Variants in RORC observed in about 807,000 individuals in gnomAD.
RORC encodes the protein nuclear receptor ROR-gamma.
In RORC, 13 loss-of-function variants were observed where a neutral mutation model predicts 64.5. The observed-to-expected ratio is 0.20, with a 90% CI of 0.13 to 0.32. RORC has a LOEUF of 0.32. Among genes scored for constraint, RORC ranks in the 10% least tolerant of loss-of-function variants. RORC has a pLI of 1.00. For missense variants in RORC, 468 were observed against 669.5 expected (o/e 0.70, Z 3.32); for synonymous variants, 277 against 259.3 (o/e 1.07, Z -0.65).
rs1651610615 is a variant in RORC, at chr1:151,813,276, T to A, written c.1137A>T (p.Glu379Asp). The change falls in exon 8 of 11, where the codon GAA (glutamate) becomes GAT (aspartate). Residue 379 changes from glutamate to aspartate, a missense_variant. Glu to Asp is a conservative substitution (Grantham distance 45). Coordinates refer to ENST00000318247, the MANE Select transcript of RORC (RefSeq NM_005060.4). Reference sequence around the variant, plus strand: ...ACAGCTCCATGCCACCGTATTTGCCTTCAAAAAAGACCGTGCGGTTGTCAG... The same window carrying A: ...ACAGCTCCATGCCACCGTATTTGCCATCAAAAAAGACCGTGCGGTTGTCAG... ...YNADNRTVFF[E>D]GKYGGMELFR... is the part of the protein sequence containing the mutation. The A allele has an allele frequency of 1.9e-6, 3 of 1,614,074 alleles. No individual in the cohort carries two copies. The East Asian group carries it at 6.7e-5, about 36-fold the overall frequency.
At chr1:151,823,800 C>T (rs549778368) in intron 2 of RORC, among the ~76,000 whole-genome samples, 48 of 152,236 alleles carry the variant, frequency 3.2e-4, no homozygotes, top group African/African-American at 1.1e-3. Context: ...GCCACCATGC[C>T]CAGCGAATTA....
intron 2 of RORC, among the ~76,000 whole-genome samples, chr1:151,823,335 G>A (rs1205418865): frequency 6.6e-6 from 1 of 152,206 alleles, no homozygotes; most frequent in Non-Finnish European, 1.5e-5. Flanking sequence ...GGGCCTGAGT[G>A]CCTATTGGCG....
Position 151,811,465 on chromosome 1 carries a change from CAAGA to C in RORC, c.1286-35_1286-32del, listed in dbSNP as rs756040895. ...GGAGGGGGTGGGACCGTAATGAGAA[CAAGA>C]AAGAACATGGACATTAACTCCCAAC... On this transcript the variant is annotated intron_variant, in intron 9 of 10. Coordinates refer to ENST00000318247, the MANE Select transcript of RORC (RefSeq NM_005060.4). 4.7e-5 allele frequency: 64 copies of C among 1,355,234 alleles called. 1 individual carries two copies. The South Asian group carries it at 7.4e-4, about 16-fold the overall frequency. The allele number at this position is 1,355,234 out of a possible 1,614,324, so 84.0% of individuals were successfully genotyped here.
chr1:151,814,537 G>A, intron 6 of RORC, 37 bp downstream of exon 6: 1 of 1,589,532 alleles, frequency 6.3e-7, no homozygotes, highest in Non-Finnish European at 8.6e-7. Context: ...CGGTGGGGGT[G>A]GGATACGTTC....
intron 2 of RORC, among the ~76,000 whole-genome samples, chr1:151,817,732 G>C (rs1421758836): frequency 6.6e-6 from 1 of 152,244 alleles, no homozygotes; most frequent in Non-Finnish European, 1.5e-5. Flanking sequence ...GGTATAGCAG[G>C]AAGATGTGGT....
chr1:151,811,981 A>T (rs1651551529), intron 9 of RORC: 1 of 152,306 alleles, frequency 6.6e-6, no homozygotes, highest in Admixed American at 6.5e-5. Flanking sequence ...CTCGATCTGC[A>T]AACTCAGGTT....
At position 151,807,318 on chromosome 1, in the gene RORC, G is replaced by T. The variant is rs191814177; in HGVS notation, c.*154C>A. The T allele has an allele frequency of 2.4e-4, 164 of 691,426 alleles. No homozygotes were observed. The African/African-American group carries it at 2.7e-3, about 11-fold the overall frequency. The allele number at this position is 691,426 out of a possible 1,614,324, so 42.8% of individuals were successfully genotyped here. A position where few individuals can be genotyped will look rare whatever the true frequency, so the allele number is the denominator to read the frequency against. On this transcript the variant is annotated 3_prime_UTR_variant, in exon 11 of 11. Transcript: ENST00000318247. The surrounding 1 kb of genome is among the most constrained non-coding windows in gnomAD (Gnocchi z 5.0). ...TGTCCCACTGCCAGGCCGGCCTGCT[G>T]ACAGAAAGCCAGCCGCAGCATCTGC...
intron 2 of RORC, among the ~76,000 whole-genome samples, chr1:151,824,046 C>A (rs1057105020): frequency 6.6e-6 from 1 of 152,214 alleles, no homozygotes; most frequent in Non-Finnish European, 1.5e-5. Flanking sequence ...CTGCATCTCT[C>A]CTTATTTCTT....
chr1:151,816,746 G>T lies in RORC; in HGVS notation c.216C>A (p.Asn72Lys), dbSNP rs202196367. The stretch of plus-strand genomic sequence containing the variant: ...TTCGGCTGGTGCGGTCGATGGGGCA[G>T]TTCTGCTGACGGGTGCAGGAGTAGG... ...NAAYSCTRQQ[N>K]CPIDRTSRNR... Residue 72 changes from asparagine to lysine, a missense_variant, in exon 4 of 11, where the codon AAC becomes AAA. Coordinates refer to ENST00000318247, the MANE Select transcript of RORC (RefSeq NM_005060.4). 1 of 1,596,984 alleles carries T rather than the reference G, an allele frequency of 6.3e-7. No homozygotes were observed. Among genetic ancestry groups the T allele is most frequent in the Non-Finnish European group, 8.5e-7 (1 of 1,171,028 alleles).
Position 151,825,903 on chromosome 1 carries a change from C to T in RORC, c.70+3526G>A, listed in dbSNP as rs201107751. 8.1e-6 allele frequency: 13 copies of T among 1,613,424 alleles called. No individual in the cohort carries two copies. In the East Asian group the frequency reaches 1.8e-4, roughly 22 times the overall value. On this transcript the variant is annotated intron_variant, in intron 2 of 10. Transcript: ENST00000318247. ...GGTGACGACAGGGTCCAGGCTCCCC[C>T]GCCCCCAGGTGGCCCCATTCACTTA...
At chr1:151,829,658 A>G (rs985019496) in intron 1 of RORC, among the ~76,000 whole-genome samples, 200 bp from the exon 2 acceptor site, 2 of 152,156 alleles carry the variant, frequency 1.3e-5, no homozygotes, top group Non-Finnish European at 2.9e-5. Flanking sequence ...GGTACCCAGA[A>G]GTGTCAGGCT....
intron 2 of RORC, among the ~76,000 whole-genome samples, chr1:151,823,405 G>A (rs1652069738): frequency 6.6e-6 from 1 of 152,174 alleles, no homozygotes; most frequent in African/African-American, 2.4e-5. Context: ...GGCTGGCTGG[G>A]AGTCTCTTTG....
intron 9 of RORC, 91 bp from the exon 10 acceptor site, chr1:151,811,525 T>C (rs1460812624): frequency 2.7e-6 from 2 of 754,500 alleles, no homozygotes; most frequent in Admixed American, 4.7e-5. Context: ...ACATCTGTGC[T>C]GGATAGAGGT....
In RORC at chr1:151,830,824, C is replaced by G; in HGVS notation, c.40+901G>C. 1 of 509,180 alleles carries G rather than the reference C, an allele frequency of 2.0e-6. No homozygotes were observed. The highest frequency in any genetic ancestry group is 2.0e-5 in the South Asian group (1 of 50,146). The allele number at this position is 509,180 out of a possible 1,614,324, so 31.5% of individuals were successfully genotyped here. On this transcript the variant is annotated intron_variant, in intron 1 of 10. Transcript: ENST00000318247. This position sits in a 1 kb window ranked among gnomAD's most constrained non-coding sequence, Gnocchi z 4.0. ...CCAGCCCCGCCCACCTCCCCTTGCTCCTGCCTGGCCCCACCCAGCTTCCTC... is the reference window on the plus strand; with the variant it reads ...CCAGCCCCGCCCACCTCCCCTTGCTGCTGCCTGGCCCCACCCAGCTTCCTC...
intron 4 of RORC, 88 bp downstream of exon 4, chr1:151,816,576 G>A: frequency 7.4e-7 from 1 of 1,346,392 alleles, no homozygotes; most frequent in Middle Eastern, 2.6e-4. Flanking sequence ...GGGCCGTCTT[G>A]CAGGTTAAGC....
chr1:151,821,720 A>G (rs907952789), intron 2 of RORC, among the ~76,000 whole-genome samples: 2 of 152,202 alleles, frequency 1.3e-5, no homozygotes, highest in Non-Finnish European at 2.9e-5. Context: ...TTATGAGGAT[A>G]AGACGCCCAA....
intron 10 of RORC, among the ~76,000 whole-genome samples, chr1:151,810,044 G>A (rs1267401495): frequency 6.6e-6 from 1 of 152,014 alleles, no homozygotes; most frequent in Non-Finnish European, 1.5e-5. Flanking sequence ...TTACACTTTA[G>A]TGAGGATGTA....
chr1:151,816,642 G>A (rs1407249580), intron 4 of RORC, 22 bp downstream of exon 4: 2 of 1,592,970 alleles, frequency 1.3e-6, no homozygotes, highest in Non-Finnish European at 1.7e-6. Flanking sequence ...AAAACCCCAG[G>A]GGGCTGTCGA....
At chr1:151,820,363 G>A (rs1163195149) in intron 2 of RORC, among the ~76,000 whole-genome samples, 1 of 152,154 alleles carries the variant, frequency 6.6e-6, no homozygotes, top group East Asian at 1.9e-4. Context: ...GAAGCAGCAG[G>A]TGGTGGGAAC....
Sources: allele counts gnomAD v4.1 joint callset (sites outside exome capture counted in the v4.1 genomes callset), GRCh38; gene constraint gnomAD v4.1.1; non-coding constraint Gnocchi (gnomAD v3.1); transcripts MANE v1.5; gene names NCBI Gene and HGNC (gene_info 2026-07-23, HGNC 2026-07-21).